The following NELL2 variants were observed in gnomAD, a reference collection of about 807,000 sequenced individuals.
The protein encoded by NELL2 is neural EGFL like 2.
Under a neutral mutation model 109.6 loss-of-function variants are expected in NELL2, and 41 were observed. That is an observed-to-expected ratio of 0.37 (90% CI 0.29 to 0.49). The LOEUF is 0.49. Ranked by LOEUF, NELL2 falls within the 20% of genes least tolerant of loss-of-function variation. NELL2 has a pLI of 0.98. For missense variants in NELL2, 900 were observed against 1,008.3 expected (o/e 0.89, Z 1.45); for synonymous variants, 355 against 344.7 (o/e 1.03, Z -0.33).
At chr12:44,740,895 A>G (rs1379871061) in intron 9 of NELL2, among the ~76,000 whole-genome samples, 1 of 152,224 alleles carries the variant, frequency 6.6e-6, no homozygotes, top group Non-Finnish European at 1.5e-5. Flanking sequence ...CATTACTGAT[A>G]GGGATAATCT....
upstream of NELL2, among the ~76,000 whole-genome samples, chr12:44,917,541 C>T (rs1218011691): frequency 6.6e-6 from 1 of 152,186 alleles, no homozygotes; most frequent in African/African-American, 2.4e-5. Context: ...CCATGATTCC[C>T]ACCCCTTGGT....
chr12:44,897,408 A>G (rs553402744), intron 1 of NELL2, among the ~76,000 whole-genome samples: 1 of 152,174 alleles, frequency 6.6e-6, no homozygotes, highest in South Asian at 2.1e-4. Flanking sequence ...TGCATTTCCA[A>G]CTGAGGTGCC....
Position 44,607,090 on chromosome 12 carries a change from G to C in NELL2, c.1663+79C>G, listed in dbSNP as rs923448894. 3.2e-6 allele frequency: 4 copies of C among 1,260,298 alleles called. No homozygotes were observed. In the African/African-American group the frequency reaches 6.1e-5, roughly 19 times the overall value. 78.1% of individuals were successfully genotyped at this position (1,260,298 alleles called of 1,614,324 possible). ...TGCTTTGAGAGCCCACTTGAAACTT[G>C]AAACATTATTTTCCTCATGGATTAC... On this transcript the variant is annotated intron_variant, in intron 15 of 19. Transcript: ENST00000429094.
At chr12:44,907,592 T>C (rs1292323385) in intron 1 of NELL2, among the ~76,000 whole-genome samples, 1 of 151,640 alleles carries the variant, frequency 6.6e-6, no homozygotes, top group Non-Finnish European at 1.5e-5. Flanking sequence ...AACAGAAAAA[T>C]GAAATTAGAG....
At position 44,886,137 on chromosome 12, in the gene NELL2, A is replaced by C. The variant is rs544270049; in HGVS notation, c.39-10237T>G. Among the ~76,000 whole-genome samples the C allele has an allele frequency of 9.2e-4, 130 of 141,676 alleles. 1 individual carries two copies. The highest frequency in any genetic ancestry group is 3.4e-3 in the African/African-American group (126 of 37,086). The allele number at this position is 141,676 out of a possible 152,430, so 92.9% of individuals were successfully genotyped here. On this transcript the variant is annotated intron_variant, in intron 1 of 20. Transcript: ENST00000333837. ...GAAGGAAGGAAGGAAGGAAGGAAGG[A>C]AGGAAGGAAGAAAGGGAGAGAATCC...
intron 13 of NELL2, among the ~76,000 whole-genome samples, chr12:44,640,482 T>A (rs930819173): frequency 2.0e-5 from 3 of 152,232 alleles, no homozygotes; most frequent in Middle Eastern, 3.2e-3. Flanking sequence ...TTTATTTTTC[T>A]CTAGTTTTAA....
chr12:44,847,567 GA>G (rs5797920), intron 2 of NELL2, among the ~76,000 whole-genome samples: 34 of 142,932 alleles, frequency 2.4e-4, no homozygotes, highest in East Asian at 1.2e-3. Flanking sequence ...AGAAATGGGG[GA>G]AAAAAAAAAA....
chr12:44,919,083 C>T (rs1382135095), upstream of NELL2, among the ~76,000 whole-genome samples: 3 of 152,156 alleles, frequency 2.0e-5, no homozygotes, highest in Admixed American at 6.5e-5. Flanking sequence ...CAGATTTCTT[C>T]GAACGTGAGA....
At chr12:44,744,579 GAA>G (rs1940210181) in intron 9 of NELL2, among the ~76,000 whole-genome samples, 1 of 151,258 alleles carries the variant, frequency 6.6e-6, no homozygotes, top group Admixed American at 6.6e-5. Flanking sequence ...AGAAAAGAGA[GAA>G]GAATCAAAGA....
chr12:44,850,784 G>T (rs1341844981), intron 2 of NELL2, among the ~76,000 whole-genome samples: 1 of 152,162 alleles, frequency 6.6e-6, no homozygotes, highest in Non-Finnish European at 1.5e-5. Context: ...TAAAGCCCTT[G>T]CAATACCATT....
Position 44,885,840 on chromosome 12 carries a change from G to T in NELL2, c.39-9940C>A, listed in dbSNP as rs113426900. Among the ~76,000 whole-genome samples, 930 of 151,750 alleles carry T rather than the reference G, an allele frequency of 6.1e-3. 21 individuals carry two copies. The highest frequency in any genetic ancestry group is 0.021 in the African/African-American group (886 of 41,298). Reference sequence around the variant, plus strand: ...AAAAGCCAAAAATTTTTTTGAAAAAGAGTAAAATCAGAGGATTCACAGTAT... The same window carrying T: ...AAAAGCCAAAAATTTTTTTGAAAAATAGTAAAATCAGAGGATTCACAGTAT... On this transcript the variant is annotated intron_variant, in intron 1 of 20. Coordinates refer to the NELL2 transcript ENST00000333837.
chr12:44,685,461 T>C (rs750762808), intron 12 of NELL2, among the ~76,000 whole-genome samples: 4 of 152,162 alleles, frequency 2.6e-5, no homozygotes, highest in African/African-American at 9.7e-5. Flanking sequence ...GTCATTATGA[T>C]ATTAGCTGGT....
rs140632179 is a variant in NELL2, at chr12:44,774,781, C to T, written c.960G>A (p.Ala320=). 20 of 1,613,912 alleles carry T rather than the reference C, an allele frequency of 1.2e-5. No homozygotes were observed. The highest frequency in any genetic ancestry group is 6.7e-5 in the African/African-American group (5 of 74,898). ...CCTTACAGCATTTGCCATCCACATA[C>T]GCAAGAGCCGACTTAAGTGGGCAGT... ...NPDCPLKSAL[A]YVDGKCCKEC... The change falls in exon 9 of 20, where the codon GCG becomes GCA. Residue 320 remains alanine (A), a synonymous_variant. Transcript: ENST00000429094.
chr12:44,529,756 G>T (rs898576445), intron 16 of NELL2, among the ~76,000 whole-genome samples: 1 of 152,208 alleles, frequency 6.6e-6, no homozygotes, highest in Admixed American at 6.5e-5. Flanking sequence ...AGTGGAAATT[G>T]TTAGTAATCT....
intron 3 of NELL2, among the ~76,000 whole-genome samples, chr12:44,803,164 A>G (rs2136657319): frequency 6.6e-6 from 1 of 152,178 alleles, no homozygotes; most frequent in Admixed American, 6.6e-5. Flanking sequence ...GCCCTACAGA[A>G]TGAGAGGCCT....
chr12:44,696,957 A>T (rs1949078215), intron 12 of NELL2, among the ~76,000 whole-genome samples: 2 of 152,228 alleles, frequency 1.3e-5, no homozygotes, highest in Non-Finnish European at 2.9e-5. Context: ...TAAATAACAC[A>T]GTATATAATA....
chr12:44,607,703 G>A (rs1402254121), intron 14 of NELL2, among the ~76,000 whole-genome samples: 1 of 152,056 alleles, frequency 6.6e-6, no homozygotes, highest in African/African-American at 2.4e-5. Context: ...ACTAGCCAAA[G>A]TGCCAAAATA....
At chr12:44,856,559 T>G (rs927638828) in intron 2 of NELL2, among the ~76,000 whole-genome samples, 1 of 152,142 alleles carries the variant, frequency 6.6e-6, no homozygotes, top group African/African-American at 2.4e-5. Context: ...GCGGAAAACA[T>G]GCAGCTGTCT....
intron 9 of NELL2, among the ~76,000 whole-genome samples, chr12:44,739,812 A>G: frequency 6.6e-6 from 1 of 152,134 alleles, no homozygotes. Context: ...AATCCCTTGA[A>G]CTGGGAAGTG....
Sources: allele counts gnomAD v4.1 joint callset (sites outside exome capture counted in the v4.1 genomes callset), GRCh38; gene constraint gnomAD v4.1.1; transcripts MANE v1.5; gene names NCBI Gene and HGNC (gene_info 2026-07-23, HGNC 2026-07-21).